Variants in CDH8 observed in about 807,000 individuals in gnomAD.
CDH8 encodes cadherin 8, also known as cadherin-8.
In CDH8, 17 loss-of-function variants were observed where a neutral mutation model predicts 68.1. That is an observed-to-expected ratio of 0.25 (90% confidence interval 0.17 to 0.37). The LOEUF (loss-of-function observed/expected upper bound fraction) is 0.37. CDH8 is among the 10% of genes least tolerant of loss of function. The pLI is 1.00. For missense variants in CDH8, 763 were observed against 999.3 expected, an observed-to-expected ratio of 0.76 and a Z score of 3.19; for synonymous variants, 372 against 365.1, an observed-to-expected ratio of 1.02 and a Z score of -0.21.
At chr16:61,705,037 T>C (rs16963868) in intron 10 of CDH8, among the ~76,000 whole-genome samples, 5,441 of 152,068 alleles carry the variant, frequency 0.036, 377 homozygotes, top group East Asian at 0.24. Flanking sequence ...ACTTGAGCAA[T>C]AGAGGAAGGA....
intron 2 of CDH8, among the ~76,000 whole-genome samples, chr16:61,984,563 CAT>C (rs2150584843): frequency 6.6e-6 from 1 of 151,986 alleles, no homozygotes; most frequent in Non-Finnish European, 1.5e-5. Context: ...TAGCTAGGAT[CAT>C]AGGCATGCAC....
In CDH8 at chr16:61,845,095, T is replaced by C. The variant is rs547042739; in HGVS notation, c.667+12024A>G. On this transcript the variant is annotated intron_variant, in intron 4 of 11. Coordinates refer to ENST00000577390, the MANE Select transcript of CDH8 (RefSeq NM_001796.5). ...CTAGCAAGGTTCATTCCCAGCTATC[T>C]CAATTACCAAATATTTTTACCAGCT... 2.0e-4 allele frequency among the ~76,000 whole-genome samples: 30 copies of C among 152,272 alleles called. No individual in the cohort carries two copies. The East Asian group carries it at 5.6e-3, about 28-fold the overall frequency.
At chr16:61,857,356 T>C (rs1013940156) in intron 3 of CDH8, 118 bp from the exon 4 acceptor site, 3 of 915,136 alleles carry the variant, frequency 3.3e-6, no homozygotes, top group Non-Finnish European at 4.8e-6. Flanking sequence ...GGAAAAGAAA[T>C]CTTTTTAAAA....
rs115214187 is a variant in CDH8 at position 61,887,607 on chromosome 16, C to A, written c.547+13572G>T. On this transcript the variant is annotated intron_variant, in intron 3 of 11. Coordinates refer to ENST00000577390, the MANE Select transcript of CDH8 (RefSeq NM_001796.5). ...TCTTCATGTAAGGACACCATTCAGA[C>A]AGCATTAGGACCCACCATGTGACCC... Among the ~76,000 whole-genome samples, 174 of 152,216 alleles carry A rather than the reference C, an allele frequency of 1.1e-3. 1 individual carries two copies. The highest frequency in any genetic ancestry group is 4.1e-3 in the African/African-American group (170 of 41,520).
intron 3 of CDH8, among the ~76,000 whole-genome samples, chr16:61,894,396 T>C (rs1238034560): frequency 6.6e-6 from 1 of 152,142 alleles, no homozygotes; most frequent in Non-Finnish European, 1.5e-5. Context: ...CCCACGATAT[T>C]GGGACAGCTG....
intron 10 of CDH8, among the ~76,000 whole-genome samples, chr16:61,661,941 C>T (rs968584085): frequency 1.1e-4 from 17 of 151,144 alleles, no homozygotes; most frequent in Admixed American, 1.1e-3. Context: ...ATAGTAGGCA[C>T]CTTTACTTTG....
intron 2 of CDH8, among the ~76,000 whole-genome samples, chr16:61,959,984 G>GTA (rs1181394965): frequency 0.03 from 1,343 of 44,510 alleles, 108 homozygotes; most frequent in Admixed American, 0.055. Context: ...GTGTGTGTGT[G>GTA]TATATATATA....
At chr16:61,892,132 C>T (rs1277239460) in intron 3 of CDH8, among the ~76,000 whole-genome samples, 2 of 152,182 alleles carry the variant, frequency 1.3e-5, no homozygotes, top group East Asian at 3.9e-4. Flanking sequence ...ATGTACTGGG[C>T]AATGACAAGA....
chr16:61,657,787 T>C (rs1420412236), intron 10 of CDH8, among the ~76,000 whole-genome samples: 1 of 152,092 alleles, frequency 6.6e-6, no homozygotes, highest in Non-Finnish European at 1.5e-5. Context: ...AAACAATCTT[T>C]CCATATTCTC....
At chr16:61,945,062 C>T (rs1964779901) in intron 2 of CDH8, among the ~76,000 whole-genome samples, 1 of 152,100 alleles carries the variant, frequency 6.6e-6, no homozygotes, top group South Asian at 2.1e-4. Flanking sequence ...TAGTCAGGGC[C>T]TTACCATCAG....
intron 10 of CDH8, among the ~76,000 whole-genome samples, chr16:61,710,383 A>G (rs1344460979): frequency 6.6e-6 from 1 of 152,124 alleles, no homozygotes; most frequent in Non-Finnish European, 1.5e-5. Context: ...ATTATGGACA[A>G]TGAGGTAACA....
chr16:61,751,543 T>A (rs1034447188), intron 8 of CDH8, among the ~76,000 whole-genome samples: 5 of 152,048 alleles, frequency 3.3e-5, no homozygotes, highest in African/African-American at 4.8e-5. Flanking sequence ...CTTGATGTGC[T>A]TAAAGTCTCA....
At chr16:61,716,032 T>C (rs147866713) in intron 9 of CDH8, among the ~76,000 whole-genome samples, 4 of 151,800 alleles carry the variant, frequency 2.6e-5, no homozygotes, top group Admixed American at 6.6e-5. Context: ...CTTCTCTCTA[T>C]AGGACTTCTA....
intron 2 of CDH8, among the ~76,000 whole-genome samples, chr16:61,960,023 TAC>T (rs368850293): frequency 0.27 from 14,901 of 54,362 alleles, 3,777 homozygotes; most frequent in African/African-American, 0.54. Flanking sequence ...TATACACACA[TAC>T]ACACACACAC....
At chr16:61,865,828 T>C (rs985856700) in intron 3 of CDH8, among the ~76,000 whole-genome samples, 1 of 152,230 alleles carries the variant, frequency 6.6e-6, no homozygotes, top group Non-Finnish European at 1.5e-5. Flanking sequence ...AATAGCACCA[T>C]AAATGCTTTA....
At chr16:61,895,138 C>A (rs1289884255) in intron 3 of CDH8, among the ~76,000 whole-genome samples, 1 of 152,074 alleles carries the variant, frequency 6.6e-6, no homozygotes, top group Non-Finnish European at 1.5e-5. Context: ...CTATCCAATT[C>A]TCCTCTCAGT....
At chr16:61,830,200 T>C (rs1304500843) in intron 4 of CDH8, among the ~76,000 whole-genome samples, 2 of 151,764 alleles carry the variant, frequency 1.3e-5, no homozygotes, top group Non-Finnish European at 2.9e-5. Flanking sequence ...ATAAAACAAA[T>C]TAATGAATAA....
chr16:61,660,646 G>A lies in CDH8; in HGVS notation c.1655-4925C>T, dbSNP rs975075036. ...GATATTCATAAATAGACACATCATA[G>A]TGAAAACACGGAAAGCCAAAACCAA... On this transcript the variant is annotated intron_variant, in intron 10 of 11. Coordinates refer to ENST00000577390, the MANE Select transcript of CDH8 (RefSeq NM_001796.5). 3.3e-5 allele frequency among the ~76,000 whole-genome samples: 5 copies of A among 152,098 alleles called. No individual in the cohort carries two copies. The South Asian group carries it at 8.3e-4, about 25-fold the overall frequency.
chr16:61,720,699 G>GATCTT (rs1267089981), intron 9 of CDH8, among the ~76,000 whole-genome samples: 1 of 150,614 alleles, frequency 6.6e-6, no homozygotes, highest in Non-Finnish European at 1.5e-5. Context: ...GTGAAGTATG[G>GATCTT]ATCTTTCTTT....
Sources: allele counts gnomAD v4.1 joint callset (sites outside exome capture counted in the v4.1 genomes callset), GRCh38; gene constraint gnomAD v4.1.1; transcripts MANE v1.5; gene names NCBI Gene and HGNC (gene_info 2026-07-23, HGNC 2026-07-21).